The following SNED1 variants were observed in gnomAD, a reference collection of about 807,000 sequenced individuals.
SNED1 encodes the protein sushi, nidogen and EGF-like domain-containing protein 1.
In SNED1, 81 loss-of-function variants were observed where a neutral mutation model predicts 166.7. The ratio of observed to expected loss-of-function variants is 0.49; its 90% CI spans 0.41 to 0.58. SNED1 has a LOEUF of 0.58. Among genes scored for constraint, SNED1 ranks in the 20% least tolerant of loss-of-function variants. The probability of loss-of-function intolerance (pLI) is 0.00; values close to 1 mark genes in which losing one functional copy is unlikely to be tolerated. For synonymous variants in SNED1, 762 were observed against 822.0 expected (o/e 0.93, Z 1.25); for missense variants, 1,604 against 2,000.2 (o/e 0.80, Z 3.78).
At position 241,000,236 on chromosome 2, in the gene SNED1, C is replaced by T. The variant is rs1302966571; in HGVS notation, c.213+1186C>T. 3.9e-5 allele frequency among the ~76,000 whole-genome samples: 6 copies of T among 152,186 alleles called. No homozygotes were observed. The South Asian group carries it at 1.0e-3, about 26-fold the overall frequency. ...CACAGGGCCTCCTCCACCACATGCC[C>T]TCTAGTGCGCCTCCCACCCCACAAC... On this transcript the variant is annotated intron_variant, in intron 1 of 31. Transcript: ENST00000310397.
intron 8 of SNED1, 98 bp from the exon 9 acceptor site, chr2:241,048,217 C>A (rs2061717940): frequency 7.3e-7 from 1 of 1,368,322 alleles, no homozygotes. Flanking sequence ...GGAATGACAA[C>A]AGAGGTGAAA....
chr2:241,020,249 A>G (rs1236182226), intron 1 of SNED1, among the ~76,000 whole-genome samples: 4 of 152,182 alleles, frequency 2.6e-5, no homozygotes, highest in Non-Finnish European at 4.4e-5. Flanking sequence ...TAAAACTTCA[A>G]TGTTTCTGGT....
intron 21 of SNED1, among the ~76,000 whole-genome samples, chr2:241,067,129 C>A (rs187675909): frequency 6.6e-6 from 1 of 152,272 alleles, no homozygotes; most frequent in East Asian, 1.9e-4. Flanking sequence ...CCGCCCTGCC[C>A]GCTGCAGAGT....
intron 16 of SNED1, among the ~76,000 whole-genome samples, chr2:241,058,009 C>G (rs1280302192): frequency 3.3e-5 from 5 of 152,062 alleles, no homozygotes; most frequent in Non-Finnish European, 1.5e-5. Context: ...GACTAACTCT[C>G]CAGGTGAGAG....
At chr2:241,055,825 C>T (rs1340974464) in intron 16 of SNED1, among the ~76,000 whole-genome samples, 1 of 152,214 alleles carries the variant, frequency 6.6e-6, no homozygotes, top group Admixed American at 6.5e-5. Context: ...ATTCCAAGTC[C>T]ACCTGGAGGG....
chr2:241,068,893 G>A lies in SNED1; in HGVS notation c.3195-18G>A. 1 of 1,519,146 alleles carries A rather than the reference G, an allele frequency of 6.6e-7. No homozygotes were observed. The highest frequency in any genetic ancestry group is 1.7e-4 in the Middle Eastern group (1 of 5,904). The allele number at this position is 1,519,146 out of a possible 1,614,324, so 94.1% of individuals were successfully genotyped here. ...TCCCAGACATCCCTGTTCTCTCTTTGTCACCTCCTGCCCACAGGGCCCTGC... is the reference window on the plus strand; with the variant it reads ...TCCCAGACATCCCTGTTCTCTCTTTATCACCTCCTGCCCACAGGGCCCTGC... On this transcript the variant is annotated intron_variant, in intron 22 of 31. Transcript: ENST00000310397. The surrounding 1 kb of genome is among the most constrained non-coding windows in gnomAD (Gnocchi z 5.3).
rs1230841224 is a variant in SNED1, at chr2:241,092,058, A to C, written c.*422A>C. 6.6e-6 allele frequency: 1 copy of C among 152,292 alleles called. No individual in the cohort carries two copies. Among genetic ancestry groups the C allele is most frequent in the African/African-American group, 2.4e-5 (1 of 41,450 alleles). 9.4% of individuals were successfully genotyped at this position (152,292 alleles called of 1,614,324 possible). ...AGAAAGAATTCTCCCTTCGAGGCCC[A>C]ACAAATTGAGAAGGAACTGTGATGG... is the stretch of plus-strand genomic sequence containing the variant. On this transcript the variant is annotated 3_prime_UTR_variant, in exon 32 of 32. Coordinates refer to ENST00000310397, the MANE Select transcript of SNED1 (RefSeq NM_001080437.3). The surrounding 1 kb of genome is among the most constrained non-coding windows in gnomAD (Gnocchi z 4.6).
At chr2:241,065,942 CGG>C (rs541224826) in intron 21 of SNED1, among the ~76,000 whole-genome samples, 721 of 42,344 alleles carry the variant, frequency 0.017, 7 homozygotes, top group African/African-American at 0.057. Context: ...ACAGGGGCCG[CGG>C]GGGTGGGCTT....
intron 4 of SNED1, chr2:241,035,712 CGGG>C (rs139224935): frequency 2.1e-5 from 1 of 47,500 alleles, no homozygotes; most frequent in Admixed American, 3.2e-4. Flanking sequence ...GGGGCGGAGG[CGGG>C]GTGCAGGCGC....
At chr2:241,025,799 T>G (rs1444158698) in intron 1 of SNED1, among the ~76,000 whole-genome samples, 2 of 152,172 alleles carry the variant, frequency 1.3e-5, no homozygotes, top group Non-Finnish European at 2.9e-5. Context: ...TTCCACTGTT[T>G]TCTGGCTTTC....
Position 241,053,105 on chromosome 2 carries a change from G to A in SNED1, c.2084-48G>A, listed in dbSNP as rs74000336. 3.4e-4 allele frequency: 531 copies of A among 1,561,852 alleles called. 1 individual carries two copies. The African/African-American group carries it at 6.4e-3, about 19-fold the overall frequency. ...GGGCAGAGGCAGGGCGGTGGGGAGG[G>A]GCCAGGAAGGCACAGGACCGTGCGA... On this transcript the variant is annotated intron_variant, in intron 15 of 31. Coordinates refer to ENST00000310397, the MANE Select transcript of SNED1 (RefSeq NM_001080437.3).
At chr2:241,047,146 CAAAAAAA>C (rs59981303) in intron 8 of SNED1, among the ~76,000 whole-genome samples, 80 of 68,178 alleles carry the variant, frequency 1.2e-3, no homozygotes, top group South Asian at 3.7e-3. Context: ...GAGACTCTGT[CAAAAAAA>C]AAAAAAAAAA....
chr2:241,047,389 C>G (rs1161667865), intron 8 of SNED1, among the ~76,000 whole-genome samples: 2 of 151,976 alleles, frequency 1.3e-5, no homozygotes, highest in African/African-American at 4.8e-5. Context: ...GAAATAGGTC[C>G]ATAATTATTG....
At chr2:241,043,039 T>C (rs940948206) in intron 8 of SNED1, among the ~76,000 whole-genome samples, 3 of 151,886 alleles carry the variant, frequency 2.0e-5, no homozygotes, top group Non-Finnish European at 4.4e-5. Flanking sequence ...TGGAGAACAA[T>C]ATTAAGCAGC....
intron 27 of SNED1, among the ~76,000 whole-genome samples, chr2:241,079,434 G>A (rs1042857610): frequency 4.0e-5 from 6 of 150,434 alleles, no homozygotes; most frequent in Admixed American, 2.7e-4. Context: ...AAAAAGTAAC[G>A]TGCAGAACAG....
At chr2:241,007,146 T>C (rs138241445) in intron 1 of SNED1, among the ~76,000 whole-genome samples, 100 of 152,350 alleles carry the variant, frequency 6.6e-4, no homozygotes, top group African/African-American at 2.2e-3. Flanking sequence ...GGTGACTGTA[T>C]ATGCTTACAT....
rs1482634602 is a variant in SNED1 at position 241,073,339 on chromosome 2, T to G, written c.3891T>G (p.Pro1297=). Residue 1297 remains proline (P), a synonymous_variant, in exon 27 of 32, where the codon CCT becomes CCG. Coordinates refer to ENST00000310397, the MANE Select transcript of SNED1 (RefSeq NM_001080437.3). The surrounding 1 kb of genome is among the most constrained non-coding windows in gnomAD (Gnocchi z 6.6). ...PKRVSLALQL[P]EHGSKDIGNV... ...GGGTCAGCCTGGCCCTCCAGCTCCC[T>G]GAACACGGCAGCAAGGACATCGGAA... 8.3e-6 allele frequency: 13 copies of G among 1,573,454 alleles called. No individual in the cohort carries two copies. The highest frequency in any genetic ancestry group is 1.4e-5 in the African/African-American group (1 of 73,894).
rs1466831430 is a variant in SNED1, at chr2:241,036,787, C to G, written c.806-3C>G. The G allele has an allele frequency of 6.2e-7, 1 of 1,607,124 alleles. No homozygotes were observed. The highest frequency in any genetic ancestry group is 1.3e-5 in the African/African-American group (1 of 74,924). ...AGGCTCCAGCCCCTCCCTATGTCTG[C>G]AGCGTCCGTGTGCCTGGCCCTGCGC... On this transcript the variant is annotated splice_region_variant and splice_polypyrimidine_tract_variant and intron_variant, in intron 4 of 31. Transcript: ENST00000310397.
At position 240,998,896 on chromosome 2, in the gene SNED1, G is replaced by T; in HGVS notation, c.59G>T (p.Arg20Leu). The change falls in exon 1 of 32, where the codon CGC (arginine) becomes CTC (leucine). Residue 20 changes from arginine to leucine, a missense_variant. Arg to Leu is a moderately radical substitution (Grantham distance 102). This residue lies in a region of SNED1 where 1,237 missense variants were observed against 1,620.8 expected (regional missense o/e 0.76). Transcript: ENST00000310397. ...GCCGCGGCCCTGGGGCTTGGGGCGC[G>T]CGGGGTGCGCGGCGCGGTGGCCCTT... Reference protein sequence around the residue: ...LVAAALGLGARGVRGAVALAD... With the variant: ...LVAAALGLGALGVRGAVALAD... 8.1e-7 allele frequency: 1 copy of T among 1,227,594 alleles called. No homozygotes were observed. Among genetic ancestry groups the T allele is most frequent in the Non-Finnish European group, 1.0e-6 (1 of 985,012 alleles). The allele number at this position is 1,227,594 out of a possible 1,614,324, so 76.0% of individuals were successfully genotyped here.
Sources: allele counts gnomAD v4.1 joint callset (sites outside exome capture counted in the v4.1 genomes callset), GRCh38; gene constraint gnomAD v4.1.1; regional missense constraint gnomAD v4.1.1; non-coding constraint Gnocchi (gnomAD v3.1); transcripts MANE v1.5; gene names NCBI Gene and HGNC (gene_info 2026-07-23, HGNC 2026-07-21).